Variants in CTNNA2 observed in about 807,000 individuals in gnomAD.
CTNNA2 encodes catenin alpha 2.
CTNNA2 carries 42 observed loss-of-function variants against 101.0 expected under a neutral mutation model. That is an observed-to-expected ratio of 0.42 (90% CI 0.32 to 0.54). The LOEUF (loss-of-function observed/expected upper bound fraction) is 0.54. Among genes scored for constraint, CTNNA2 ranks in the 20% least tolerant of loss-of-function variants. The pLI is 0.14. For missense variants in CTNNA2, 871 were observed against 1,223.1 expected, an observed-to-expected ratio of 0.71 and a Z score of 4.29; for synonymous variants, 450 against 456.4, an observed-to-expected ratio of 0.99 and a Z score of 0.18.
At chr2:79,191,162 C>T (rs916039194) in intron 1 of CTNNA2, among the ~76,000 whole-genome samples, 7 of 152,074 alleles carry the variant, frequency 4.6e-5, no homozygotes, top group Admixed American at 2.0e-4. Context: ...TGGGACTGGG[C>T]GGGAAATGAG....
intron 2 of CTNNA2, among the ~76,000 whole-genome samples, chr2:79,274,520 CTCTTA>C (rs1407566544): frequency 2.6e-5 from 4 of 151,914 alleles, no homozygotes; most frequent in Non-Finnish European, 4.4e-5. Flanking sequence ...AATAAATAAC[CTCTTA>C]TCTTAACATT....
At chr2:79,494,916 C>T (rs2104567996) in intron 4 of CTNNA2, among the ~76,000 whole-genome samples, 1 of 152,082 alleles carries the variant, frequency 6.6e-6, no homozygotes, top group South Asian at 2.1e-4. Context: ...CGAGACCATC[C>T]TGGCTAACAC....
At chr2:79,518,922 T>C (rs1671950198) in intron 1 of CTNNA2, among the ~76,000 whole-genome samples, 1 of 151,868 alleles carries the variant, frequency 6.6e-6, no homozygotes, top group Non-Finnish European at 1.5e-5. Flanking sequence ...AAGAAGTGTA[T>C]ACAAGACTCA....
chr2:79,659,393 T>C (rs966615667), intron 2 of CTNNA2, among the ~76,000 whole-genome samples: 7 of 152,094 alleles, frequency 4.6e-5, no homozygotes, highest in Non-Finnish European at 8.8e-5. Flanking sequence ...GGTTTATTCA[T>C]GATATTGATA....
At chr2:79,400,472 T>C (rs1678277997) in intron 4 of CTNNA2, among the ~76,000 whole-genome samples, 1 of 151,844 alleles carries the variant, frequency 6.6e-6, no homozygotes, top group African/African-American at 2.4e-5. Flanking sequence ...AATAATCAAA[T>C]GGAAAGTTAA....
At chr2:79,370,122 T>C (rs1677838069) in intron 3 of CTNNA2, among the ~76,000 whole-genome samples, 1 of 152,158 alleles carries the variant, frequency 6.6e-6, no homozygotes, top group Non-Finnish European at 1.5e-5. Context: ...AATCTGACAC[T>C]CCCTCTCATA....
At chr2:79,880,979 A>C (rs1045493394) in intron 6 of CTNNA2, among the ~76,000 whole-genome samples, 7 of 152,004 alleles carry the variant, frequency 4.6e-5, no homozygotes, top group African/African-American at 1.4e-4. Flanking sequence ...TCCTCTTAAC[A>C]CTGCTTTAAC....
intron 7 of CTNNA2, among the ~76,000 whole-genome samples, chr2:80,057,064 T>G (rs1697261097): frequency 6.6e-6 from 1 of 152,196 alleles, no homozygotes; most frequent in Admixed American, 6.5e-5. Flanking sequence ...TCTTTATATT[T>G]TTGTCAAAGA....
chr2:79,702,525 C>T (rs1396758217), intron 2 of CTNNA2, among the ~76,000 whole-genome samples: 2 of 152,078 alleles, frequency 1.3e-5, no homozygotes, highest in Non-Finnish European at 2.9e-5. Context: ...TCATGAAGGA[C>T]CCTATAGTTC....
intron 7 of CTNNA2, among the ~76,000 whole-genome samples, chr2:79,948,711 G>A (rs1048021099): frequency 1.3e-5 from 2 of 152,202 alleles, no homozygotes; most frequent in African/African-American, 4.8e-5. Flanking sequence ...GCTCACGCCT[G>A]TAATCTCAGC....
intron 7 of CTNNA2, among the ~76,000 whole-genome samples, chr2:80,374,736 A>T (rs1467602314): frequency 2.0e-5 from 3 of 149,522 alleles, no homozygotes; most frequent in African/African-American, 7.4e-5. Flanking sequence ...TTCTTTAAGG[A>T]TACCAGTCAT....
chr2:79,559,649 T>G (rs1480856349), intron 1 of CTNNA2, among the ~76,000 whole-genome samples: 3 of 151,914 alleles, frequency 2.0e-5, no homozygotes, highest in Non-Finnish European at 4.4e-5. Flanking sequence ...CTGACAAAGA[T>G]GATCAAATGC....
chr2:80,452,169 C>T (rs1362328707), intron 9 of CTNNA2, among the ~76,000 whole-genome samples: 1 of 146,934 alleles, frequency 6.8e-6, no homozygotes, highest in Non-Finnish European at 1.5e-5. Context: ...TGTTACATTT[C>T]TTACCTGTGG....
intron 7 of CTNNA2, chr2:80,304,968 C>A: frequency 7.4e-6 from 5 of 672,850 alleles, no homozygotes; most frequent in Non-Finnish European, 7.3e-6. Context: ...GTAGCATCAT[C>A]CACGACAAGA....
chr2:80,379,519 T>C (rs192635363), intron 7 of CTNNA2, among the ~76,000 whole-genome samples: 4 of 152,320 alleles, frequency 2.6e-5, no homozygotes, highest in Admixed American at 2.6e-4. Flanking sequence ...ACTAATTCAC[T>C]GGGAATTAAG....
At chr2:80,600,003 A>T (rs2149764089) in intron 15 of CTNNA2, among the ~76,000 whole-genome samples, 1 of 142,004 alleles carries the variant, frequency 7.0e-6, no homozygotes, top group African/African-American at 2.6e-5. Context: ...TTCTCATGTT[A>T]TTTTTCTGGG....
In CTNNA2 at chr2:80,520,419, C is replaced by A. The variant is rs537359147; in HGVS notation, c.1291-24563C>A. Among the ~76,000 whole-genome samples the A allele has an allele frequency of 2.6e-5, 4 of 152,236 alleles. No individual in the cohort carries two copies. The East Asian group carries it at 7.7e-4, about 29-fold the overall frequency. On this transcript the variant is annotated intron_variant, in intron 9 of 18. Transcript: ENST00000402739. ...AATAGGGTTTACTTCAGGCTGAGGGCCCTTGTCGGTTCAGGTATTATAACA... is the reference window on the plus strand; with the variant it reads ...AATAGGGTTTACTTCAGGCTGAGGGACCTTGTCGGTTCAGGTATTATAACA...
At chr2:79,919,879 T>C (rs1443927799) in intron 7 of CTNNA2, among the ~76,000 whole-genome samples, 1 of 152,208 alleles carries the variant, frequency 6.6e-6, no homozygotes. Context: ...AACTGAGTGT[T>C]TCACTGGTTG....
chr2:80,619,021 A>ATTT, intron 17 of CTNNA2, 64 bp from the exon 18 acceptor site: 2 of 706,710 alleles, frequency 2.8e-6, no homozygotes, highest in African/African-American at 4.7e-5. Flanking sequence ...CAAGTAGGGT[A>ATTT]CTTTTTTTTT....
Sources: allele counts gnomAD v4.1 joint callset (sites outside exome capture counted in the v4.1 genomes callset), GRCh38; gene constraint gnomAD v4.1.1; transcripts MANE v1.5; gene names NCBI Gene and HGNC (gene_info 2026-07-23, HGNC 2026-07-21).